Variants in CARS1 observed in about 807,000 individuals in gnomAD.
CARS1 encodes cysteinyl-tRNA synthetase 1.
A neutral mutation model predicts 106.2 loss-of-function variants in CARS1; 48 were observed. The observed-to-expected ratio is 0.45, with a 90% confidence interval of 0.36 to 0.57. CARS1 has a LOEUF of 0.57. CARS1 is among the 20% of genes least tolerant of loss of function. CARS1 has a pLI of 0.00. For synonymous variants in CARS1, 409 were observed against 403.4 expected (o/e 1.01, Z -0.17); for missense variants, 968 against 1,057.2 (o/e 0.92, Z 1.17).
At chr11:3,054,881 T>C in intron 1 of CARS1, 2 of 702,604 alleles carry the variant, frequency 2.8e-6, no homozygotes, top group Non-Finnish European at 5.2e-6. Flanking sequence ...TCTGACCTGA[T>C]GAGCAGCCGA....
chr11:3,057,386 C>G lies in CARS1; in HGVS notation c.-19G>C. 1 of 1,608,620 alleles carries G rather than the reference C, an allele frequency of 6.2e-7. No homozygotes were observed. The highest frequency in any genetic ancestry group is 8.5e-7 in the Non-Finnish European group (1 of 1,177,746). ...CTGCCATGGCTGGGAATCCCGGACCCGCAGCTGCGGCTACAGACACTTCCT... is the reference window on the plus strand; with the variant it reads ...CTGCCATGGCTGGGAATCCCGGACCGGCAGCTGCGGCTACAGACACTTCCT... On this transcript the variant is annotated 5_prime_UTR_variant, in exon 1 of 23. Coordinates refer to ENST00000380525, the MANE Select transcript of CARS1 (RefSeq NM_001014437.3).
At chr11:3,016,973 C>G (rs1445538755) in intron 16 of CARS1, 133 bp downstream of exon 16, 3 of 668,142 alleles carry the variant, frequency 4.5e-6, no homozygotes, top group Non-Finnish European at 7.5e-6. Flanking sequence ...AGAAGCATAT[C>G]TCCACGTCTC....
At chr11:3,006,180 T>A (rs1038257864) in intron 19 of CARS1, among the ~76,000 whole-genome samples, 1 of 152,208 alleles carries the variant, frequency 6.6e-6, no homozygotes, top group Non-Finnish European at 1.5e-5. Flanking sequence ...AAACTAAGGC[T>A]GGGCATGTGG....
At chr11:3,025,458 C>A (rs948276666) in intron 10 of CARS1, among the ~76,000 whole-genome samples, 1 of 152,194 alleles carries the variant, frequency 6.6e-6, no homozygotes, top group Non-Finnish European at 1.5e-5. Flanking sequence ...GAACTCCCAA[C>A]CTCAGGTGAT....
Position 3,026,785 on chromosome 11 carries a change from A to G in CARS1, c.1044T>C (p.Asn348=). ...TCGCTGTATCAAAGTAGACAGACCC[A>G]TTGGAGACATAGCTGGAAAACAGAA... ...IVDNGYGYVS[N]GSVYFDTAKF... is the part of the protein sequence containing the mutation. Residue 348 remains asparagine, a synonymous_variant, in exon 10 of 23, where the codon AAT becomes AAC. Coordinates refer to ENST00000380525, the MANE Select transcript of CARS1 (RefSeq NM_001014437.3). 3 of 1,611,746 alleles carry G rather than the reference A, an allele frequency of 1.9e-6. No homozygotes were observed. Among genetic ancestry groups the G allele is most frequent in the Non-Finnish European group, 2.5e-6 (3 of 1,178,796 alleles).
chr11:3,055,609 A>G (rs1214798553), intron 1 of CARS1, among the ~76,000 whole-genome samples: 1 of 152,254 alleles, frequency 6.6e-6, no homozygotes, highest in Non-Finnish European at 1.5e-5. Flanking sequence ...CAGCCCGGAG[A>G]GGGCAATCCC....
Position 3,008,545 on chromosome 11 carries a change from G to A in CARS1, c.2069-1586C>T, listed in dbSNP as rs1850125538. The A allele has an allele frequency of 6.6e-6, 1 of 151,782 alleles. No homozygotes were observed. Among genetic ancestry groups the A allele is most frequent in the African/African-American group, 2.4e-5 (1 of 41,242 alleles). The allele number at this position is 151,782 out of a possible 1,614,324, so 9.4% of individuals were successfully genotyped here. ...GAGGCAGAAGAATCGCTTGAACCAGGGAGTCGGAGGTTGCAGTGGGCCAAG... is the reference window on the plus strand; with the variant it reads ...GAGGCAGAAGAATCGCTTGAACCAGAGAGTCGGAGGTTGCAGTGGGCCAAG... On this transcript the variant is annotated intron_variant, in intron 18 of 22. Transcript: ENST00000380525. The surrounding 1 kb of genome is among the most constrained non-coding windows in gnomAD (Gnocchi z 5.1).
In CARS1 at chr11:3,029,580, G is replaced by C; in HGVS notation, c.802-137C>G. ...ACCTGTGAAGAGCCACCGTCTCCTA[G>C]GGAGACTGTGATGCTTACACAACTG... On this transcript the variant is annotated intron_variant, in intron 7 of 22. Coordinates refer to ENST00000380525, the MANE Select transcript of CARS1 (RefSeq NM_001014437.3). The surrounding 1 kb of genome is among the most constrained non-coding windows in gnomAD (Gnocchi z 5.9). 1.2e-6 allele frequency: 1 copy of C among 828,214 alleles called. No individual in the cohort carries two copies. Among genetic ancestry groups the C allele is most frequent in the Non-Finnish European group, 1.9e-6 (1 of 537,766 alleles). The allele number at this position is 828,214 out of a possible 1,614,324, so 51.3% of individuals were successfully genotyped here.
Position 3,057,391 on chromosome 11 carries a change from C to G in CARS1, c.-24G>C, listed in dbSNP as rs751960554. 1.2e-6 allele frequency: 2 copies of G among 1,607,254 alleles called. No individual in the cohort carries two copies. The highest frequency in any genetic ancestry group is 2.2e-5 in the East Asian group (1 of 44,750). On this transcript the variant is annotated 5_prime_UTR_variant, in exon 1 of 23. Transcript: ENST00000380525. ...ATGGCTGGGAATCCCGGACCCGCAGCTGCGGCTACAGACACTTCCTAGAAT... is the reference window on the plus strand; with the variant it reads ...ATGGCTGGGAATCCCGGACCCGCAGGTGCGGCTACAGACACTTCCTAGAAT...
In CARS1 at chr11:3,001,040, C is replaced by T. The variant is rs371437473; in HGVS notation, c.*74G>A. The T allele has an allele frequency of 1.2e-4, 186 of 1,530,460 alleles. 1 individual carries two copies. The highest frequency in any genetic ancestry group is 2.5e-4 in the East Asian group (11 of 44,294). 94.8% of individuals were successfully genotyped at this position (1,530,460 alleles called of 1,614,324 possible). A position where few individuals can be genotyped will look rare whatever the true frequency, so the allele number is the denominator to read the frequency against. On this transcript the variant is annotated 3_prime_UTR_variant, in exon 23 of 23. Transcript: ENST00000380525. ...AGGGTGACTGTAAACATGATAGGAG[C>T]GCTGGGACATTGTCACTGAGGCAGA...
rs553672381 is a variant in CARS1, at chr11:3,015,343, G to A, written c.1986+438C>T. ...GCATCTGCCCAGCCCCATGGGGACC[G>A]AGGCAGACAGTGGCGTATCTCCCCA... is the stretch of plus-strand genomic sequence containing the variant. On this transcript the variant is annotated intron_variant, in intron 17 of 22. Coordinates refer to ENST00000380525, the MANE Select transcript of CARS1 (RefSeq NM_001014437.3). Among the ~76,000 whole-genome samples the A allele has an allele frequency of 3.9e-5, 6 of 152,374 alleles. No individual in the cohort carries two copies. In the East Asian group the frequency reaches 5.8e-4, roughly 15 times the overall value.
chr11:3,032,542 G>C, intron 7 of CARS1, among the ~76,000 whole-genome samples: 1 of 152,178 alleles, frequency 6.6e-6, no homozygotes, highest in South Asian at 2.1e-4. Flanking sequence ...ATGCCTGCTA[G>C]AGAACTGACT....
Position 3,029,098 on chromosome 11 carries a change from G to T in CARS1, c.943-14C>A. 1 of 1,589,008 alleles carries T rather than the reference G, an allele frequency of 6.3e-7. No homozygotes were observed. Among genetic ancestry groups the T allele is most frequent in the Non-Finnish European group, 8.6e-7 (1 of 1,157,084 alleles). On this transcript the variant is annotated splice_polypyrimidine_tract_variant and intron_variant, in intron 8 of 22. Transcript: ENST00000380525. This position sits in a 1 kb window ranked among gnomAD's most constrained non-coding sequence, Gnocchi z 5.9. ...TGGAGGGAGAACCTGTGCAAGACAT[G>T]AGAATGTCCTGGGATTTTCCCTTCT... is the stretch of plus-strand genomic sequence containing the variant.
intron 3 of CARS1, 29 bp downstream of exon 3, chr11:3,042,136 G>C (rs369090441): frequency 1.3e-6 from 2 of 1,557,010 alleles, no homozygotes; most frequent in African/African-American, 1.4e-5. Context: ...CATTGTGTGC[G>C]TGTGCCACGG....
chr11:3,034,296 C>T lies in CARS1; in HGVS notation c.801+3754G>A, dbSNP rs1853295852. On this transcript the variant is annotated intron_variant, in intron 7 of 22. Transcript: ENST00000380525. The surrounding 1 kb of genome is among the most constrained non-coding windows in gnomAD (Gnocchi z 6.3). ...AATGCAGTGGCGTGATCTCGGCTCA[C>T]TGCAACCTCCGCCTCCTGGTTTCAA... Among the ~76,000 whole-genome samples the T allele has an allele frequency of 6.6e-6, 1 of 152,184 alleles. No individual in the cohort carries two copies. Among genetic ancestry groups the T allele is most frequent in the Non-Finnish European group, 1.5e-5 (1 of 68,042 alleles).
At chr11:3,012,140 G>C in intron 18 of CARS1, 55 bp downstream of exon 18, 1 of 1,485,884 alleles carries the variant, frequency 6.7e-7, no homozygotes, top group Non-Finnish European at 9.4e-7. Context: ...CGCCCGGTCC[G>C]GGGAGCCCAG....
chr11:3,032,840 T>G (rs930436660), intron 7 of CARS1, among the ~76,000 whole-genome samples: 14 of 150,944 alleles, frequency 9.3e-5, no homozygotes, highest in African/African-American at 3.4e-4. Context: ...CGAGATAGTA[T>G]TTGTCCAAAC....
intron 21 of CARS1, 146 bp downstream of exon 21, chr11:3,002,395 G>T: frequency 6.9e-7 from 1 of 1,453,042 alleles, no homozygotes; most frequent in Non-Finnish European, 9.3e-7. Flanking sequence ...GCAGGCCTTG[G>T]GTGGTGGAGG....
rs1361703757 is a variant in CARS1, at chr11:3,034,978, G to A, written c.801+3072C>T. On this transcript the variant is annotated intron_variant, in intron 7 of 22. Coordinates refer to ENST00000380525, the MANE Select transcript of CARS1 (RefSeq NM_001014437.3). This position sits in a 1 kb window ranked among gnomAD's most constrained non-coding sequence, Gnocchi z 6.3. Reference sequence around the variant, plus strand: ...CCCAAGGTGGCGCAGAGCATCACATGGCCAGGGGGCTCATGAGGGCCAAAC... The same window carrying A: ...CCCAAGGTGGCGCAGAGCATCACATAGCCAGGGGGCTCATGAGGGCCAAAC... Among the ~76,000 whole-genome samples, 2 of 152,134 alleles carry A rather than the reference G, an allele frequency of 1.3e-5. No individual in the cohort carries two copies. The highest frequency in any genetic ancestry group is 3.9e-4 in the East Asian group (2 of 5,192).
Sources: gnomAD v4.1 joint callset for allele counts (sites outside exome capture counted in the v4.1 genomes callset) on GRCh38, gnomAD v4.1.1 for gene constraint, Gnocchi (gnomAD v3.1) non-coding constraint, MANE v1.5 for transcripts, NCBI Gene and HGNC (gene_info 2026-07-23, HGNC 2026-07-21) for gene names.